The following CCDC88C variants were observed in gnomAD, a reference collection of about 807,000 sequenced individuals.
The protein encoded by CCDC88C is protein Daple.
Under a neutral mutation model 198.8 loss-of-function variants are expected in CCDC88C, and 131 were observed. The ratio of observed to expected loss-of-function variants is 0.66; its 90% confidence interval spans 0.57 to 0.76. CCDC88C has a LOEUF of 0.76. Among genes scored for constraint, CCDC88C ranks in the 30% least tolerant of loss-of-function variants. CCDC88C has a pLI of 0.00. For missense variants in CCDC88C, 2,553 were observed against 2,631.6 expected, an observed-to-expected ratio of 0.97 and a Z score of 0.65; for synonymous variants, 1,166 against 1,114.7, an observed-to-expected ratio of 1.05 and a Z score of -0.92.
chr14:91,292,754 T>C (rs1030968535), intron 23 of CCDC88C, among the ~76,000 whole-genome samples: 5 of 152,026 alleles, frequency 3.3e-5, no homozygotes, highest in Non-Finnish European at 5.9e-5. Flanking sequence ...CCAACCACCA[T>C]GGCTAGGATC....
chr14:91,301,708 C>T (rs1352207172), intron 20 of CCDC88C, among the ~76,000 whole-genome samples: 3 of 152,208 alleles, frequency 2.0e-5, no homozygotes, highest in Non-Finnish European at 4.4e-5. Flanking sequence ...CAGAGTGAGA[C>T]TCCATCTCAA....
intron 3 of CCDC88C, among the ~76,000 whole-genome samples, chr14:91,396,048 T>G (rs1707674175): frequency 1.3e-5 from 2 of 152,018 alleles, no homozygotes; most frequent in South Asian, 4.1e-4. Flanking sequence ...ACTAGAAAAA[T>G]AAGACGACAA....
At chr14:91,416,889 C>T (rs1374407935) in intron 1 of CCDC88C, 51 bp from the exon 2 acceptor site, 8 of 1,328,226 alleles carry the variant, frequency 6.0e-6, no homozygotes, top group Non-Finnish European at 7.5e-6. Flanking sequence ...CCCGTGCGCA[C>T]AAACGGTCCA....
intron 3 of CCDC88C, among the ~76,000 whole-genome samples, chr14:91,384,874 C>T (rs1352695060): frequency 6.6e-6 from 1 of 152,170 alleles, no homozygotes; most frequent in East Asian, 1.9e-4. Context: ...AAACCCTGAC[C>T]CTCAAATCCA....
chr14:91,392,456 C>T lies in CCDC88C; in HGVS notation c.270+16203G>A, dbSNP rs573060749. Among the ~76,000 whole-genome samples, 26 of 152,158 alleles carry T rather than the reference C, an allele frequency of 1.7e-4. 1 individual carries two copies. The highest frequency in any genetic ancestry group is 3.4e-3 in the Middle Eastern group (1 of 294). ...GAACCTTTTCAAGGGGAAAGAGAAA[C>T]GAGAGAGGCTTCAGCTGGTCACATT... On this transcript the variant is annotated intron_variant, in intron 3 of 29. Coordinates refer to ENST00000389857, the MANE Select transcript of CCDC88C (RefSeq NM_001080414.4).
At chr14:91,369,585 A>G (rs1395773964) in intron 3 of CCDC88C, among the ~76,000 whole-genome samples, 2 of 152,066 alleles carry the variant, frequency 1.3e-5, no homozygotes, top group African/African-American at 2.4e-5. Context: ...ATAGCCACTG[A>G]GAGGAAAACC....
intron 23 of CCDC88C, 49 bp downstream of exon 23, chr14:91,294,124 T>C (rs755794795): frequency 6.2e-7 from 1 of 1,606,306 alleles, no homozygotes; most frequent in Non-Finnish European, 8.5e-7. Flanking sequence ...ACTGAGGATG[T>C]GCAGCTGTGG....
intron 4 of CCDC88C, among the ~76,000 whole-genome samples, chr14:91,351,462 C>CT (rs1421438110): frequency 6.6e-6 from 1 of 152,126 alleles, no homozygotes; most frequent in East Asian, 1.9e-4. Flanking sequence ...GGGGTACTTC[C>CT]TAGGCACTGC....
intron 19 of CCDC88C, among the ~76,000 whole-genome samples, chr14:91,304,400 T>C (rs956748349): frequency 5.9e-5 from 9 of 152,120 alleles, no homozygotes; most frequent in African/African-American, 2.2e-4. Flanking sequence ...CTGAGCAACA[T>C]AGTGAGACCC....
chr14:91,295,955 A>T (rs1055278527), intron 22 of CCDC88C, among the ~76,000 whole-genome samples: 6 of 152,230 alleles, frequency 3.9e-5, no homozygotes, highest in Non-Finnish European at 8.8e-5. Flanking sequence ...ATGAGCCCGC[A>T]CAGAGAAAAA....
chr14:91,331,182 C>G (rs184093007), intron 10 of CCDC88C, among the ~76,000 whole-genome samples: 105 of 152,232 alleles, frequency 6.9e-4, no homozygotes, highest in African/African-American at 2.4e-3. Flanking sequence ...GCTGACACTG[C>G]TTTCACACAG....
In CCDC88C at chr14:91,313,692, C is replaced by G. The variant is rs1226636253; in HGVS notation, c.2124G>C (p.Glu708Asp). 6.2e-7 allele frequency: 1 copy of G among 1,611,562 alleles called. No individual in the cohort carries two copies. The highest frequency in any genetic ancestry group is 8.5e-7 in the Non-Finnish European group (1 of 1,179,888). Reference sequence around the variant, plus strand: ...GCATGGTCTCCACCAGCCTGCGCAGCTCCAGGTTCTCTGCGTCCAGCTGCT... The same window carrying G: ...GCATGGTCTCCACCAGCCTGCGCAGGTCCAGGTTCTCTGCGTCCAGCTGCT... Reference protein sequence around the residue: ...DNKQLDAENLELRRLVETMRF... With the variant: ...DNKQLDAENLDLRRLVETMRF... The change falls in exon 15 of 30, where the codon GAG becomes GAC. Residue 708 changes from glutamate to aspartate, a missense_variant. Transcript: ENST00000389857. The surrounding 1 kb of genome is among the most constrained non-coding windows in gnomAD (Gnocchi z 5.2).
At chr14:91,290,148 T>C (rs1890598261) in intron 24 of CCDC88C, among the ~76,000 whole-genome samples, 1 of 152,214 alleles carries the variant, frequency 6.6e-6, no homozygotes. Flanking sequence ...GGCACATGCC[T>C]GTAATCCCAG....
intron 20 of CCDC88C, among the ~76,000 whole-genome samples, chr14:91,303,338 C>A (rs1248023483): frequency 6.7e-6 from 1 of 150,248 alleles, no homozygotes; most frequent in Non-Finnish European, 1.5e-5. Flanking sequence ...CTCCTCCAGG[C>A]TCCACCCTTC....
intron 17 of CCDC88C, 79 bp from the exon 18 acceptor site, chr14:91,307,305 A>G: frequency 1.6e-6 from 2 of 1,228,176 alleles, no homozygotes; most frequent in Admixed American, 1.7e-5. Flanking sequence ...GCTGAGGGCA[A>G]CCTGCACCAC....
chr14:91,343,180 T>C (rs934197943), intron 5 of CCDC88C, among the ~76,000 whole-genome samples: 1 of 152,164 alleles, frequency 6.6e-6, no homozygotes, highest in Non-Finnish European at 1.5e-5. Flanking sequence ...GGTCTTGAAC[T>C]CCCGACCTCA....
chr14:91,370,413 T>G (rs1053055814), intron 3 of CCDC88C, among the ~76,000 whole-genome samples: 2 of 152,146 alleles, frequency 1.3e-5, no homozygotes, highest in African/African-American at 2.4e-5. Context: ...CAGAGGATGT[T>G]TCAAGTAACC....
rs1424086453 is a variant in CCDC88C, at chr14:91,339,117, A to C, written c.809+161T>G. ...CTGTGCAGGCCTCAGAAGGGGAGGC[A>C]GCTAGTCCGAGGTCAAAGAGTAAGC... On this transcript the variant is annotated intron_variant, in intron 8 of 29. Transcript: ENST00000389857. The surrounding 1 kb of genome is among the most constrained non-coding windows in gnomAD (Gnocchi z 5.8). The C allele has an allele frequency of 2.9e-5, 23 of 804,234 alleles. No homozygotes were observed. Among genetic ancestry groups the C allele is most frequent in the Non-Finnish European group, 4.2e-6 (2 of 479,734 alleles). The allele number at this position is 804,234 out of a possible 1,614,324, so 49.8% of individuals were successfully genotyped here. A position where few individuals can be genotyped will look rare whatever the true frequency, so the allele number is the denominator to read the frequency against.
intron 16 of CCDC88C, among the ~76,000 whole-genome samples, chr14:91,309,449 C>A (rs1455041339): frequency 6.6e-6 from 1 of 151,870 alleles, no homozygotes; most frequent in Admixed American, 6.6e-5. Flanking sequence ...ACAAAACATA[C>A]AAGGATTAGC....
Sources: gnomAD v4.1 joint callset for allele counts (sites outside exome capture counted in the v4.1 genomes callset) on GRCh38, gnomAD v4.1.1 for gene constraint, Gnocchi (gnomAD v3.1) non-coding constraint, MANE v1.5 for transcripts, NCBI Gene and HGNC (gene_info 2026-07-23, HGNC 2026-07-21) for gene names.